The following HMCN2 variants were observed in gnomAD, a reference collection of about 807,000 sequenced individuals.
HMCN2 encodes hemicentin-2.
A neutral mutation model predicts 377.5 loss-of-function variants in HMCN2; 325 were observed. The ratio of observed to expected loss-of-function variants is 0.86; its 90% CI spans 0.79 to 0.94. The LOEUF is 0.94. HMCN2 is among the 40% of genes least tolerant of loss of function. The probability of loss-of-function intolerance (pLI) is 0.00; values close to 1 mark genes in which losing one functional copy is unlikely to be tolerated. For missense variants in HMCN2, 4,543 were observed against 4,725.3 expected (o/e 0.96, Z 1.13); for synonymous variants, 2,007 against 2,046.8 (o/e 0.98, Z 0.53).
chr9:130,276,430 C>T (rs922434939), intron 1 of HMCN2, among the ~76,000 whole-genome samples: 1 of 152,146 alleles, frequency 6.6e-6, no homozygotes, highest in Admixed American at 6.5e-5. Flanking sequence ...GAACAGCACT[C>T]CAGGCAGAGG....
intron 1 of HMCN2, among the ~76,000 whole-genome samples, chr9:130,268,608 T>C (rs1554920066): frequency 1.3e-5 from 2 of 149,352 alleles, no homozygotes; most frequent in African/African-American, 4.9e-5. Flanking sequence ...GGAAGCAGCC[T>C]GTGAGTAGGG....
At position 130,393,866 on chromosome 9, in the gene HMCN2, G is replaced by A; in HGVS notation, c.10359G>A (p.Gly3453=). 1 of 1,289,716 alleles carries A rather than the reference G, an allele frequency of 7.8e-7. No homozygotes were observed. The highest frequency in any genetic ancestry group is 1.0e-6 in the Non-Finnish European group (1 of 988,832). 79.9% of individuals were successfully genotyped at this position (1,289,716 alleles called of 1,614,324 possible). A position where few individuals can be genotyped will look rare whatever the true frequency, so the allele number is the denominator to read the frequency against. Residue 3453 remains glycine (G), a synonymous_variant, in exon 68 of 98, where the codon GGG becomes GGA. Transcript: ENST00000683500. The surrounding 1 kb of genome is among the most constrained non-coding windows in gnomAD (Gnocchi z 5.2). The stretch of plus-strand genomic sequence containing the variant: ...CTCTCGTGTCGTGGATGAAGGATGG[G>A]GAACCCTTGTTGTCCCAGAGCCTCG... ...PLPLVSWMKD[G]EPLLSQSLEQ...
rs142714876 is a variant in HMCN2, at chr9:130,303,397, G to A, written c.1422-90G>A. The A allele has an allele frequency of 5.5e-4, 185 of 336,762 alleles. 1 individual carries two copies. The highest frequency in any genetic ancestry group is 3.9e-3 in the African/African-American group (175 of 45,338). 20.9% of individuals were successfully genotyped at this position (336,762 alleles called of 1,614,324 possible). The stretch of plus-strand genomic sequence containing the variant: ...TCTCACAGAGGAATTGGGGTCTCTC[G>A]TTTGGGCAGGATTCAGGGGACTGAA... On this transcript the variant is annotated intron_variant, in intron 9 of 97. Coordinates refer to ENST00000683500, the MANE Select transcript of HMCN2 (RefSeq NM_001291815.2). This position sits in a 1 kb window ranked among gnomAD's most constrained non-coding sequence, Gnocchi z 5.2.
chr9:130,393,609 G>A lies in HMCN2; in HGVS notation c.10235-133G>A. ...AGGGGATGGAGAGGATGCTGTGGGA[G>A]CACAGAGGAGGGCACCTCACCTGGC... On this transcript the variant is annotated intron_variant, in intron 67 of 97. Transcript: ENST00000683500. The surrounding 1 kb of genome is among the most constrained non-coding windows in gnomAD (Gnocchi z 5.2). The A allele has an allele frequency of 2.7e-6, 2 of 745,742 alleles. No individual in the cohort carries two copies. Among genetic ancestry groups the A allele is most frequent in the Non-Finnish European group, 3.6e-6 (2 of 548,230 alleles). The allele number at this position is 745,742 out of a possible 1,614,324, so 46.2% of individuals were successfully genotyped here.
intron 1 of HMCN2, among the ~76,000 whole-genome samples, 176 bp downstream of exon 1, chr9:130,266,313 C>A (rs1554919006): frequency 1.3e-5 from 2 of 152,220 alleles, no homozygotes; most frequent in African/African-American, 4.8e-5. Flanking sequence ...GCAGTCCTTG[C>A]AGCTGTCCCT....
intron 41 of HMCN2, among the ~76,000 whole-genome samples, chr9:130,365,290 G>A (rs773116512): frequency 6.6e-6 from 1 of 152,230 alleles, no homozygotes; most frequent in South Asian, 2.1e-4. Flanking sequence ...CCTTCTCTTC[G>A]GGTCTGTTTT....
Position 130,355,044 on chromosome 9 carries a change from G to T in HMCN2, c.5146G>T (p.Val1716Leu). 3 of 1,272,758 alleles carry T rather than the reference G, an allele frequency of 2.4e-6. No homozygotes were observed. Among genetic ancestry groups the T allele is most frequent in the Non-Finnish European group, 3.1e-6 (3 of 977,674 alleles). The allele number at this position is 1,272,758 out of a possible 1,614,324, so 78.8% of individuals were successfully genotyped here. The change falls in exon 32 of 98, where the codon GTG becomes TTG. Residue 1716 changes from valine to leucine, a missense_variant and splice_region_variant. Physicochemically the swap from Val to Leu is conservative, Grantham distance 32. Around this residue, in one of 5 missense-constraint regions of HMCN2, gnomAD observed 1,032 missense variants for 1,285.1 expected, o/e 0.80. Coordinates refer to ENST00000683500, the MANE Select transcript of HMCN2 (RefSeq NM_001291815.2). The part of the protein sequence containing the change: ...AVLQYSVEVQ[V>L]PPQLLVAEGL... ...CCTGCAGTACTCCGTGGAGGTTCAG[G>T]GTGAGCCCGGCCCACCCCACTCAGA...
At chr9:130,322,177 C>T (rs1837885981) in intron 19 of HMCN2, among the ~76,000 whole-genome samples, 1 of 152,162 alleles carries the variant, frequency 6.6e-6, no homozygotes, top group East Asian at 1.9e-4. Flanking sequence ...CACACACTCT[C>T]TATATGTATA....
chr9:130,314,928 G>T (rs1174249946), intron 15 of HMCN2, among the ~76,000 whole-genome samples: 1 of 152,046 alleles, frequency 6.6e-6, no homozygotes, highest in Non-Finnish European at 1.5e-5. Context: ...GCAGAGTGGG[G>T]GCCTTCAGGC....
intron 29 of HMCN2, among the ~76,000 whole-genome samples, chr9:130,350,895 T>C (rs1190079320): frequency 3.3e-5 from 5 of 151,956 alleles, no homozygotes; most frequent in African/African-American, 1.2e-4. Context: ...AGAGCAAGAC[T>C]CAGTCTCAAG....
At chr9:130,366,206 G>A (rs1840680822) in intron 43 of HMCN2, among the ~76,000 whole-genome samples, 1 of 152,178 alleles carries the variant, frequency 6.6e-6, no homozygotes, top group Non-Finnish European at 1.5e-5. Flanking sequence ...GTCCTGCTCT[G>A]CCAGTAAGAG....
intron 84 of HMCN2, among the ~76,000 whole-genome samples, chr9:130,410,352 C>T (rs1843343530): frequency 6.6e-6 from 1 of 152,214 alleles, no homozygotes; most frequent in South Asian, 2.1e-4. Flanking sequence ...GTCACAGCCC[C>T]CTGTTTTCGG....
intron 90 of HMCN2, 81 bp from the exon 91 acceptor site, chr9:130,427,232 C>G: frequency 7.1e-7 from 1 of 1,413,812 alleles, no homozygotes; most frequent in Non-Finnish European, 9.8e-7. Flanking sequence ...AGTGGGGGAG[C>G]TGTGAGCCTG....
chr9:130,403,758 C>T lies in HMCN2; in HGVS notation c.12031C>T (p.Leu4011=), dbSNP rs1390811135. The T allele has an allele frequency of 7.8e-7, 1 of 1,289,846 alleles. No individual in the cohort carries two copies. Among genetic ancestry groups the T allele is most frequent in the East Asian group, 5.5e-5 (1 of 18,034 alleles). 79.9% of individuals were successfully genotyped at this position (1,289,846 alleles called of 1,614,324 possible). ...NVATGVSTQV[L]PGGQLRIAHA... ...TCGTTCAGGAGTGAGTACCCAGGTC[C>T]TACCAGGCGGACAGCTGCGGATTGC... is the stretch of plus-strand genomic sequence containing the variant. The change falls in exon 80 of 98, where the codon CTA becomes TTA. Residue 4011 remains leucine (L), a synonymous_variant. Coordinates refer to ENST00000683500, the MANE Select transcript of HMCN2 (RefSeq NM_001291815.2).
chr9:130,315,589 G>A (rs1178557573), intron 15 of HMCN2, among the ~76,000 whole-genome samples: 3 of 150,732 alleles, frequency 2.0e-5, no homozygotes, highest in African/African-American at 7.3e-5. Flanking sequence ...CCTTTCCATC[G>A]CCTGGACTCT....
chr9:130,393,175 T>G lies in HMCN2; in HGVS notation c.10137-37T>G. 1.0e-6 allele frequency: 1 copy of G among 981,480 alleles called. No individual in the cohort carries two copies. The highest frequency in any genetic ancestry group is 1.2e-6 in the Non-Finnish European group (1 of 824,292). The allele number at this position is 981,480 out of a possible 1,614,324, so 60.8% of individuals were successfully genotyped here. On this transcript the variant is annotated intron_variant, in intron 66 of 97. Coordinates refer to ENST00000683500, the MANE Select transcript of HMCN2 (RefSeq NM_001291815.2). The surrounding 1 kb of genome is among the most constrained non-coding windows in gnomAD (Gnocchi z 5.2). ...CTCTTCCTCTCTCTCTCTCCCTTTC[T>G]CTTGTCTCCTTCTCCCTCTCCTCTC...
chr9:130,355,161 G>A (rs920705208), intron 32 of HMCN2, 117 bp downstream of exon 32: 2 of 846,224 alleles, frequency 2.4e-6, no homozygotes, highest in Admixed American at 7.0e-5. Flanking sequence ...GAAGTAACCA[G>A]TGTCCCCACA....
At chr9:130,305,946 G>A (rs1836826738) in intron 11 of HMCN2, among the ~76,000 whole-genome samples, 183 bp from the exon 12 acceptor site, 1 of 152,188 alleles carries the variant, frequency 6.6e-6, no homozygotes, top group Non-Finnish European at 1.5e-5. Flanking sequence ...GTGCTCAGGG[G>A]CCGCCTGGTC....
chr9:130,385,640 T>TGCGAGACAGATGCGCTCCCTGAGCC lies in HMCN2; in HGVS notation c.9188_9212dup (p.Thr3072ArgfsTer7). ...GGTCGGGGACAAAGCTGTCCTGAGC[T>TGCGAGACAGATGCGCTCCCTGAGCC]GCGAGACAGATGCGCTCCCTGAGCC... is the stretch of plus-strand genomic sequence containing the variant. On this transcript the variant is annotated frameshift_variant, in exon 60 of 98. Transcript: ENST00000683500. LOFTEE classifies it high-confidence loss of function. 7.7e-7 allele frequency: 1 copy of TGCGAGACAGATGCGCTCCCTGAGCC among 1,304,160 alleles called. No homozygotes were observed. Among genetic ancestry groups the TGCGAGACAGATGCGCTCCCTGAGCC allele is most frequent in the Non-Finnish European group, 1.0e-6 (1 of 988,902 alleles). 80.8% of individuals were successfully genotyped at this position (1,304,160 alleles called of 1,614,324 possible). A position where few individuals can be genotyped will look rare whatever the true frequency, so the allele number is the denominator to read the frequency against.
Sources: allele counts gnomAD v4.1 joint callset (sites outside exome capture counted in the v4.1 genomes callset), GRCh38; gene constraint gnomAD v4.1.1; regional missense constraint gnomAD v4.1.1; non-coding constraint Gnocchi (gnomAD v3.1); transcripts MANE v1.5; gene names NCBI Gene and HGNC (gene_info 2026-07-23, HGNC 2026-07-21).